STAG1: variants seen among roughly 807,000 people sequenced by gnomAD.
The protein encoded by STAG1 is STAG1 cohesin complex component.
A neutral mutation model predicts 170.9 loss-of-function variants in STAG1; 26 were observed. That is an observed-to-expected ratio of 0.15 (90% CI 0.11 to 0.21). The LOEUF is 0.21. STAG1 is among the 10% of genes least tolerant of loss of function. The pLI is 1.00. For missense variants in STAG1, 964 were observed against 1,509.5 expected (o/e 0.64, Z 5.99); for synonymous variants, 514 against 497.7 (o/e 1.03, Z -0.44).
intron 12 of STAG1, among the ~76,000 whole-genome samples, chr3:136,465,213 C>A (rs2089417198): frequency 7.0e-6 from 1 of 142,100 alleles, no homozygotes; most frequent in African/African-American, 2.6e-5. Context: ...GCTCACAATT[C>A]TTCTACAGCT....
At chr3:136,692,019 C>A (rs1490042202) in intron 1 of STAG1, among the ~76,000 whole-genome samples, 1 of 152,094 alleles carries the variant, frequency 6.6e-6, no homozygotes, top group African/African-American at 2.4e-5. Context: ...GAAGGCACTG[C>A]AGAAGTCAAT....
intron 22 of STAG1, among the ~76,000 whole-genome samples, chr3:136,384,775 A>G (rs1455592235): frequency 2.0e-5 from 3 of 152,080 alleles, no homozygotes; most frequent in African/African-American, 7.2e-5. Context: ...TTCAAGAAAA[A>G]AAAAAAAAAG....
chr3:136,621,291 TGTAA>T (rs1353826785), intron 3 of STAG1, among the ~76,000 whole-genome samples: 3 of 152,242 alleles, frequency 2.0e-5, no homozygotes, highest in African/African-American at 2.4e-5. Context: ...ATCTGAATCC[TGTAA>T]GTGAAGAATT....
chr3:136,379,609 T>C (rs950921914), intron 22 of STAG1, among the ~76,000 whole-genome samples: 2 of 152,092 alleles, frequency 1.3e-5, no homozygotes, highest in Non-Finnish European at 2.9e-5. Context: ...CTCGGGAGGC[T>C]GAGGCAGGAG....
intron 9 of STAG1, among the ~76,000 whole-genome samples, chr3:136,485,088 T>C (rs2089980021): frequency 6.6e-6 from 1 of 152,192 alleles, no homozygotes; most frequent in South Asian, 2.1e-4. Context: ...TATTCGGCCA[T>C]CTTGGCTCCT....
intron 7 of STAG1, among the ~76,000 whole-genome samples, chr3:136,516,903 G>A (rs1576553645): frequency 6.6e-6 from 1 of 152,120 alleles, no homozygotes; most frequent in South Asian, 2.1e-4. Flanking sequence ...AGACAGGCAC[G>A]CCAGAACCCA....
chr3:136,417,343 T>C (rs1188783006), intron 21 of STAG1, among the ~76,000 whole-genome samples: 1 of 152,188 alleles, frequency 6.6e-6, no homozygotes, highest in African/African-American at 2.4e-5. Flanking sequence ...AATAACTCCT[T>C]CCTTTCTCAT....
At position 136,665,054 on chromosome 3, in the gene STAG1, T is replaced by C. The variant is rs190324013; in HGVS notation, c.-83-34073A>G. 1.1e-3 allele frequency among the ~76,000 whole-genome samples: 172 copies of C among 152,354 alleles called. 1 individual carries two copies. Among genetic ancestry groups the C allele is most frequent in the Non-Finnish European group, 2.5e-4 (17 of 68,036 alleles). ...TGCTTGGGACTTGCGACTCCTTTTT[T>C]ACATCTTCTCCCTTTTTGAACCAGA... On this transcript the variant is annotated intron_variant, in intron 1 of 33. Transcript: ENST00000383202.
At chr3:136,623,979 A>T (rs1287818353) in intron 2 of STAG1, among the ~76,000 whole-genome samples, 1 of 152,174 alleles carries the variant, frequency 6.6e-6, no homozygotes, top group African/African-American at 2.4e-5. Flanking sequence ...AAAAAGACAT[A>T]AAGGATACTT....
intron 29 of STAG1, among the ~76,000 whole-genome samples, chr3:136,344,738 C>T (rs964657385): frequency 1.3e-5 from 2 of 152,132 alleles, no homozygotes; most frequent in African/African-American, 4.8e-5. Context: ...CTCAGTGTCT[C>T]GAGTAGCTGG....
rs913402165 is a variant in STAG1 at position 136,499,461 on chromosome 3, C to T, written c.902+762G>A. Among the ~76,000 whole-genome samples the T allele has an allele frequency of 4.6e-5, 7 of 152,072 alleles. No individual in the cohort carries two copies. The East Asian group carries it at 7.7e-4, about 17-fold the overall frequency. ...ACAGGGATGAGCGACCACATCCCAC[C>T]GCTCTATATTAATTAGCCAAATATA... is the stretch of plus-strand genomic sequence containing the variant. On this transcript the variant is annotated intron_variant, in intron 9 of 33. Coordinates refer to ENST00000383202, the MANE Select transcript of STAG1 (RefSeq NM_005862.3).
chr3:136,598,786 C>A (rs1938545553), intron 4 of STAG1, among the ~76,000 whole-genome samples: 1 of 151,994 alleles, frequency 6.6e-6, no homozygotes, highest in Non-Finnish European at 1.5e-5. Flanking sequence ...ATGCAATTTA[C>A]CAGGAGAATT....
intron 1 of STAG1, among the ~76,000 whole-genome samples, chr3:136,749,872 A>G (rs1278547182): frequency 6.6e-6 from 1 of 152,044 alleles, no homozygotes; most frequent in Non-Finnish European, 1.5e-5. Flanking sequence ...AAGCTGAAAT[A>G]ATTGTTAATC....
rs1364384341 is a variant in STAG1, at chr3:136,630,913, T to C, written c.-15A>G. The C allele has an allele frequency of 3.2e-6, 5 of 1,563,638 alleles. No homozygotes were observed. Among genetic ancestry groups the C allele is most frequent in the Non-Finnish European group, 4.3e-6 (5 of 1,152,502 alleles). On this transcript the variant is annotated 5_prime_UTR_variant, in exon 2 of 34. Coordinates refer to ENST00000383202, the MANE Select transcript of STAG1 (RefSeq NM_005862.3). ...GAAGTAATCATTGCTGGAGAGGTCC[T>C]TTCACAATGCAGCAAAATAATCAAG...
intron 5 of STAG1, among the ~76,000 whole-genome samples, chr3:136,558,446 G>T (rs1386681587): frequency 6.6e-6 from 1 of 152,044 alleles, no homozygotes. Flanking sequence ...AGGTAACATC[G>T]CAATACAGTA....
chr3:136,458,279 C>T (rs2089175626), intron 13 of STAG1, among the ~76,000 whole-genome samples: 1 of 152,114 alleles, frequency 6.6e-6, no homozygotes, highest in South Asian at 2.1e-4. Flanking sequence ...GCCTCAACCT[C>T]CCAAGTAGCT....
intron 4 of STAG1, among the ~76,000 whole-genome samples, chr3:136,593,865 CCTT>C (rs1167753643): frequency 2.0e-5 from 3 of 152,138 alleles, no homozygotes; most frequent in African/African-American, 4.8e-5. Flanking sequence ...AAATTTTACT[CCTT>C]AACTTCATTA....
chr3:136,592,155 T>A (rs2107793918), intron 4 of STAG1, among the ~76,000 whole-genome samples: 1 of 152,264 alleles, frequency 6.6e-6, no homozygotes, highest in Non-Finnish European at 1.5e-5. Flanking sequence ...TCCCTTTATG[T>A]CTTCCCTACT....
At chr3:136,661,799 C>G (rs548732886) in intron 1 of STAG1, among the ~76,000 whole-genome samples, 75 of 152,138 alleles carry the variant, frequency 4.9e-4, no homozygotes, top group Non-Finnish European at 3.2e-4. Flanking sequence ...TTGTAAGCAA[C>G]TAACATGCAT....
Sources: allele counts gnomAD v4.1 joint callset (sites outside exome capture counted in the v4.1 genomes callset), GRCh38; gene constraint gnomAD v4.1.1; transcripts MANE v1.5; gene names NCBI Gene and HGNC (gene_info 2026-07-23, HGNC 2026-07-21).